Variants in PKP2 observed in about 807,000 individuals in gnomAD.
PKP2 encodes the protein plakophilin 2.
Under a neutral mutation model 83.4 loss-of-function variants are expected in PKP2, and 73 were observed. The observed-to-expected ratio is 0.88, with a 90% CI of 0.72 to 1.06. The LOEUF (loss-of-function observed/expected upper bound fraction) is 1.06. PKP2 is among the 50% of genes least tolerant of loss of function. PKP2 has a pLI of 0.00. For missense variants in PKP2, 966 were observed against 1,065.4 expected, an observed-to-expected ratio of 0.91 and a Z score of 1.30; for synonymous variants, 409 against 430.4, an observed-to-expected ratio of 0.95 and a Z score of 0.62.
chr12:32,807,527 A>C (rs1209549305), intron 9 of PKP2, among the ~76,000 whole-genome samples: 1 of 152,116 alleles, frequency 6.6e-6, no homozygotes, highest in African/African-American at 2.4e-5. Context: ...GCCCGTTTAC[A>C]TTTAAGGCTA....
At position 32,824,025 on chromosome 12, in the gene PKP2, A is replaced by G. The variant is rs1046655239; in HGVS notation, c.1674+20T>C. ...AAGCATCTTAGTAAGACAAAACAGG[A>G]TATTTATCTCTTGAATTACCTTGTC... On this transcript the variant is annotated intron_variant, in intron 7 of 12. Transcript: ENST00000340811. The G allele has an allele frequency of 7.3e-7, 1 of 1,368,600 alleles. No homozygotes were observed. The highest frequency in any genetic ancestry group is 1.4e-5 in the African/African-American group (1 of 70,358). The allele number at this position is 1,368,600 out of a possible 1,614,324, so 84.8% of individuals were successfully genotyped here. A position where few individuals can be genotyped will look rare whatever the true frequency, so the allele number is the denominator to read the frequency against.
chr12:32,840,948 G>T, intron 6 of PKP2, 80 bp downstream of exon 6: 1 of 974,922 alleles, frequency 1.0e-6, no homozygotes, highest in Non-Finnish European at 1.7e-6. Flanking sequence ...AGAACCAAAG[G>T]CAGAATATAT....
At chr12:32,801,711 A>G (rs1056450438) in intron 10 of PKP2, among the ~76,000 whole-genome samples, 2 of 152,206 alleles carry the variant, frequency 1.3e-5, no homozygotes, top group East Asian at 3.9e-4. Flanking sequence ...TAATTTTAGC[A>G]TTATCTTTCT....
At chr12:32,846,402 C>T (rs1956644944) in intron 5 of PKP2, among the ~76,000 whole-genome samples, 1 of 152,136 alleles carries the variant, frequency 6.6e-6, no homozygotes, top group Non-Finnish European at 1.5e-5. Flanking sequence ...TAGGCTACTA[C>T]TGCAGAAGTA....
rs1957055096 is a variant in PKP2, at chr12:32,888,960, C to T, written c.223+7549G>A. On this transcript the variant is annotated intron_variant, in intron 1 of 12. Transcript: ENST00000340811. The stretch of plus-strand genomic sequence containing the variant: ...AAAGAGCCACCATGCTAGGTCTGTT[C>T]CTACTTTAAATCCACCAAATCTGTC... 3.9e-5 allele frequency among the ~76,000 whole-genome samples: 6 copies of T among 152,110 alleles called. No individual in the cohort carries two copies. The South Asian group carries it at 1.2e-3, about 31-fold the overall frequency.
chr12:32,800,566 G>A (rs930408529), intron 10 of PKP2, among the ~76,000 whole-genome samples: 1 of 152,192 alleles, frequency 6.6e-6, no homozygotes, highest in African/African-American at 2.4e-5. Context: ...TCTATGGCCT[G>A]AGCAAGCTAC....
At chr12:32,876,532 TC>T (rs1956933691) in intron 3 of PKP2, among the ~76,000 whole-genome samples, 1 of 152,090 alleles carries the variant, frequency 6.6e-6, no homozygotes, top group Non-Finnish European at 1.5e-5. Context: ...TGATACACTT[TC>T]TCTTTTTTTT....
intron 4 of PKP2, among the ~76,000 whole-genome samples, chr12:32,863,732 A>G (rs1956821621): frequency 6.6e-6 from 1 of 152,208 alleles, no homozygotes; most frequent in South Asian, 2.1e-4. Context: ...TCACTGCTGA[A>G]GTCTACCAAA....
chr12:32,880,466 T>C (rs532469872), intron 1 of PKP2, among the ~76,000 whole-genome samples: 7 of 151,984 alleles, frequency 4.6e-5, no homozygotes, highest in South Asian at 4.2e-4. Flanking sequence ...GAAACATGGA[T>C]CAACTTCAGG....
chr12:32,886,754 G>A (rs1469839623), intron 1 of PKP2, among the ~76,000 whole-genome samples: 1 of 152,158 alleles, frequency 6.6e-6, no homozygotes, highest in Non-Finnish European at 1.5e-5. Context: ...CACTTGGGGA[G>A]GCTGAGGTGG....
At chr12:32,862,191 C>T (rs557382311) in intron 4 of PKP2, among the ~76,000 whole-genome samples, 71 of 152,290 alleles carry the variant, frequency 4.7e-4, no homozygotes, top group African/African-American at 1.6e-3. Flanking sequence ...GCCACCACGC[C>T]GTGGCCAACT....
intron 4 of PKP2, among the ~76,000 whole-genome samples, chr12:32,858,293 C>A (rs903156423): frequency 6.7e-6 from 1 of 150,194 alleles, no homozygotes; most frequent in African/African-American, 2.5e-5. Flanking sequence ...AACAGAACAA[C>A]ACCCTGTCTC....
chr12:32,886,155 G>A (rs1386649859), intron 1 of PKP2, among the ~76,000 whole-genome samples: 1 of 152,212 alleles, frequency 6.6e-6, no homozygotes, highest in South Asian at 2.1e-4. Flanking sequence ...TGTCCTCACA[G>A]TGTGGATTCA....
intron 6 of PKP2, among the ~76,000 whole-genome samples, chr12:32,831,438 TAC>T (rs1444609952): frequency 6.6e-6 from 1 of 152,236 alleles, no homozygotes. Context: ...ATTTGAGCTA[TAC>T]ACAGATATTT....
In PKP2 at chr12:32,841,186, T is replaced by G. The variant is rs1163940991; in HGVS notation, c.1398A>C (p.Ser466=). Residue 466 remains serine, a synonymous_variant, in exon 6 of 13, where the codon TCA becomes TCC. Transcript: ENST00000340811. ...TGAGATTCTTGAGTTTGTCATTAGA[T>G]GACAAATTCCACAGCAAACCTAGAA... is the stretch of plus-strand genomic sequence containing the variant. ...KQITGLLWNL[S]SNDKLKNLMI... is the part of the protein sequence containing the mutation. 6.2e-7 allele frequency: 1 copy of G among 1,613,550 alleles called. No homozygotes were observed. The highest frequency in any genetic ancestry group is 8.5e-7 in the Non-Finnish European group (1 of 1,179,616).
chr12:32,810,065 T>C (rs1956263610), intron 9 of PKP2, among the ~76,000 whole-genome samples: 2 of 152,246 alleles, frequency 1.3e-5, no homozygotes, highest in Admixed American at 1.3e-4. Context: ...TCTTTGATTT[T>C]ATAAATAGAC....
chr12:32,888,842 G>A (rs574488633), intron 1 of PKP2, among the ~76,000 whole-genome samples: 14 of 149,166 alleles, frequency 9.4e-5, no homozygotes, highest in East Asian at 2.0e-4. Flanking sequence ...CCAGGCTGGC[G>A]TGCAGTGGTG....
At chr12:32,800,691 A>G (rs1203507798) in intron 10 of PKP2, among the ~76,000 whole-genome samples, 1 of 152,198 alleles carries the variant, frequency 6.6e-6, no homozygotes, top group Non-Finnish European at 1.5e-5. Context: ...AGTACTGCGC[A>G]TGTGGTAAGC....
chr12:32,794,653 G>C (rs1222434691), intron 11 of PKP2, among the ~76,000 whole-genome samples: 1 of 152,178 alleles, frequency 6.6e-6, no homozygotes, highest in African/African-American at 2.4e-5. Context: ...ACTATCTTAC[G>C]GTGATTTGCT....
Sources: allele counts gnomAD v4.1 joint callset (sites outside exome capture counted in the v4.1 genomes callset), GRCh38; gene constraint gnomAD v4.1.1; transcripts MANE v1.5; gene names NCBI Gene and HGNC (gene_info 2026-07-23, HGNC 2026-07-21).